Variants in FBXO11 observed in about 807,000 individuals in gnomAD.
FBXO11 encodes F-box protein 11.
FBXO11 carries 13 observed loss-of-function variants against 117.0 expected under a neutral mutation model. The observed-to-expected ratio is 0.11, with a 90% CI of 0.07 to 0.18. FBXO11 has a LOEUF of 0.18. FBXO11 is among the 10% of genes least tolerant of loss of function. The pLI, the probability that FBXO11 is intolerant of heterozygous loss-of-function variation, is 1.00. For missense variants in FBXO11, 767 were observed against 1,164.4 expected (o/e 0.66, Z 4.97); for synonymous variants, 490 against 380.5 (o/e 1.29, Z -3.35).
chr2:47,830,018 G>A (rs1215143904), intron 11 of FBXO11, among the ~76,000 whole-genome samples: 2 of 152,034 alleles, frequency 1.3e-5, no homozygotes, highest in African/African-American at 4.8e-5. Flanking sequence ...CGGAGACATG[G>A]TAAGGAACAC....
chr2:47,900,609 C>CACGTATATACACACGTATACACACACGT (rs1409396770), intron 1 of FBXO11, among the ~76,000 whole-genome samples: 31 of 91,164 alleles, frequency 3.4e-4, no homozygotes, highest in African/African-American at 5.5e-4. Flanking sequence ...CACGTATACA[C>CACGTATATACACACGTATACACACACGT]ACGTATATAC....
At chr2:47,833,447 A>G (rs1672328297) in intron 7 of FBXO11, among the ~76,000 whole-genome samples, 1 of 152,196 alleles carries the variant, frequency 6.6e-6, no homozygotes, top group Non-Finnish European at 1.5e-5. Flanking sequence ...CGATTTAGAA[A>G]GTAATAAAAT....
chr2:47,886,614 G>A (rs752850157), intron 1 of FBXO11, among the ~76,000 whole-genome samples: 1 of 152,086 alleles, frequency 6.6e-6, no homozygotes, highest in East Asian at 1.9e-4. Context: ...GAATTTAAAT[G>A]TTAACAGATA....
Position 47,850,172 on chromosome 2 carries a change from G to A in FBXO11, c.233-10403C>T, listed in dbSNP as rs1191252955. 6.6e-5 allele frequency among the ~76,000 whole-genome samples: 10 copies of A among 152,158 alleles called. 1 individual carries two copies. The highest frequency in any genetic ancestry group is 1.3e-4 in the Non-Finnish European group (9 of 68,024). On this transcript the variant is annotated intron_variant, in intron 1 of 22. Coordinates refer to ENST00000403359, the MANE Select transcript of FBXO11 (RefSeq NM_001190274.2). ...TGAGTGGGTATGGTGGGCTGGGGGTGGAGAAGAGGTTGGAACCAAATTAAT... is the reference window on the plus strand; with the variant it reads ...TGAGTGGGTATGGTGGGCTGGGGGTAGAGAAGAGGTTGGAACCAAATTAAT...
Position 47,808,481 on chromosome 2 carries a change from A to G in FBXO11, c.2556-54T>C, listed in dbSNP as rs2104614119. 1.3e-5 allele frequency: 19 copies of G among 1,455,518 alleles called. No homozygotes were observed. The South Asian group carries it at 2.0e-4, about 15-fold the overall frequency. The allele number at this position is 1,455,518 out of a possible 1,614,324, so 90.2% of individuals were successfully genotyped here. On this transcript the variant is annotated intron_variant, in intron 21 of 22. Coordinates refer to ENST00000403359, the MANE Select transcript of FBXO11 (RefSeq NM_001190274.2). ...CTCAAACATGTCATTAATGCAAAACATTCCATTCTGTTTATATATTACTAT... is the reference window on the plus strand; with the variant it reads ...CTCAAACATGTCATTAATGCAAAACGTTCCATTCTGTTTATATATTACTAT...
intron 14 of FBXO11, among the ~76,000 whole-genome samples, chr2:47,820,069 G>A (rs1035868978): frequency 6.6e-6 from 1 of 152,216 alleles, no homozygotes; most frequent in African/African-American, 2.4e-5. Context: ...AACTGCTGCT[G>A]AGGCTAGCCC....
chr2:47,848,532 T>C (rs1215078323), intron 1 of FBXO11, among the ~76,000 whole-genome samples: 1 of 152,196 alleles, frequency 6.6e-6, no homozygotes, highest in African/African-American at 2.4e-5. Flanking sequence ...GGGACCACTG[T>C]CTTAAAGGAT....
intron 1 of FBXO11, among the ~76,000 whole-genome samples, chr2:47,902,430 T>C (rs777159246): frequency 2.0e-5 from 3 of 152,224 alleles, no homozygotes; most frequent in Non-Finnish European, 4.4e-5. Flanking sequence ...ATGGAAAGCT[T>C]TGAAAAATCC....
At chr2:47,819,256 G>A (rs761147115) in intron 14 of FBXO11, among the ~76,000 whole-genome samples, 178 bp from the exon 15 acceptor site, 4 of 151,926 alleles carry the variant, frequency 2.6e-5, no homozygotes, top group South Asian at 2.1e-4. Flanking sequence ...TCGCTCTGTC[G>A]CCCAGGCTGG....
intron 1 of FBXO11, among the ~76,000 whole-genome samples, chr2:47,898,033 T>C (rs1299118307): frequency 6.6e-6 from 1 of 152,172 alleles, no homozygotes; most frequent in African/African-American, 2.4e-5. Flanking sequence ...TTTCTCCCCT[T>C]TTTGAACATA....
intron 1 of FBXO11, among the ~76,000 whole-genome samples, chr2:47,875,750 G>A (rs539961323): frequency 1.3e-5 from 2 of 152,052 alleles, no homozygotes; most frequent in South Asian, 4.2e-4. Context: ...TAAATAGTTG[G>A]CACTGCTCTA....
intron 1 of FBXO11, among the ~76,000 whole-genome samples, chr2:47,904,022 C>CT (rs1473848462): frequency 6.6e-6 from 1 of 152,208 alleles, no homozygotes; most frequent in Non-Finnish European, 1.5e-5. Context: ...TAGCAAACTG[C>CT]TTTCTCTAAG....
chr2:47,868,125 G>C (rs1675334366), intron 1 of FBXO11, among the ~76,000 whole-genome samples: 1 of 152,088 alleles, frequency 6.6e-6, no homozygotes, highest in African/African-American at 2.4e-5. Flanking sequence ...ATTCAAGCCA[G>C]TGTTACTGGA....
At chr2:47,821,838 T>C (rs1045415526) in intron 13 of FBXO11, among the ~76,000 whole-genome samples, 2 of 151,964 alleles carry the variant, frequency 1.3e-5, no homozygotes, top group African/African-American at 4.8e-5. Context: ...ACACCTGCAA[T>C]CCCAGAATTT....
At chr2:47,868,329 T>A (rs562290264) in intron 1 of FBXO11, among the ~76,000 whole-genome samples, 1 of 150,524 alleles carries the variant, frequency 6.6e-6, no homozygotes, top group East Asian at 2.0e-4. Context: ...ATGTGAAATC[T>A]CTGGAAGCTT....
intron 10 of FBXO11, 36 bp from the exon 11 acceptor site, chr2:47,832,522 C>T: frequency 6.2e-7 from 1 of 1,608,520 alleles, no homozygotes; most frequent in Non-Finnish European, 8.5e-7. Flanking sequence ...ATCAGTAGAG[C>T]TTTTAAACAT....
intron 1 of FBXO11, among the ~76,000 whole-genome samples, chr2:47,878,556 C>A (rs1676188287): frequency 6.6e-6 from 1 of 151,950 alleles, no homozygotes; most frequent in Admixed American, 6.6e-5. Flanking sequence ...GGGGTTTCAC[C>A]ATGTTGGCCA....
At chr2:47,858,018 T>G (rs1262398752) in intron 1 of FBXO11, among the ~76,000 whole-genome samples, 2 of 152,130 alleles carry the variant, frequency 1.3e-5, no homozygotes, top group Non-Finnish European at 2.9e-5. Context: ...GAACAGCAGA[T>G]GGCGCCAAAA....
At position 47,807,982 on chromosome 2, in the gene FBXO11, G is replaced by C; in HGVS notation, c.*136C>G. The C allele has an allele frequency of 1.3e-6, 1 of 766,442 alleles. No individual in the cohort carries two copies. Among genetic ancestry groups the C allele is most frequent in the Admixed American group, 2.5e-5 (1 of 39,842 alleles). The allele number at this position is 766,442 out of a possible 1,614,324, so 47.5% of individuals were successfully genotyped here. A position where few individuals can be genotyped will look rare whatever the true frequency, so the allele number is the denominator to read the frequency against. ...TCTTTTTGGTAGCTTGAGCTTCATA[G>C]TGTCAACTGACCTTGTGTATCCATT... On this transcript the variant is annotated 3_prime_UTR_variant, in exon 23 of 23. Coordinates refer to ENST00000403359, the MANE Select transcript of FBXO11 (RefSeq NM_001190274.2).
Sources: allele counts gnomAD v4.1 joint callset (sites outside exome capture counted in the v4.1 genomes callset), GRCh38; gene constraint gnomAD v4.1.1; transcripts MANE v1.5; gene names NCBI Gene and HGNC (gene_info 2026-07-23, HGNC 2026-07-21).